Variants in SEC14L3 observed in about 807,000 individuals in gnomAD.
SEC14L3 encodes SEC14-like protein 3.
In SEC14L3, 56 loss-of-function variants were observed where a neutral mutation model predicts 57.4. The observed-to-expected ratio is 0.97, with a 90% CI of 0.79 to 1.22. SEC14L3 has a LOEUF of 1.22. SEC14L3 is among the 50% of genes most tolerant of loss of function. The pLI is 0.00. For missense variants in SEC14L3, 485 were observed against 511.7 expected, an observed-to-expected ratio of 0.95 and a Z score of 0.50; for synonymous variants, 173 against 194.4, an observed-to-expected ratio of 0.89 and a Z score of 0.92.
At chr22:30,453,517 A>T (rs1310143582) in intron 12 of SEC14L3, among the ~76,000 whole-genome samples, 1 of 152,116 alleles carries the variant, frequency 6.6e-6, no homozygotes, top group African/African-American at 2.4e-5. Flanking sequence ...AGTCCAAGTG[A>T]TTGTCCTGCC....
chr22:30,454,798 G>T (rs1287314612), downstream of SEC14L3, among the ~76,000 whole-genome samples: 16 of 51,570 alleles, frequency 3.1e-4, no homozygotes, highest in African/African-American at 9.6e-4. Flanking sequence ...ATATATTATT[G>T]TATATTATAT....
intron 7 of SEC14L3, 116 bp from the exon 8 acceptor site, chr22:30,465,019 T>C (rs989149886): frequency 6.7e-7 from 1 of 1,488,294 alleles, no homozygotes; most frequent in Admixed American, 2.0e-5. Context: ...TCAATTCCAG[T>C]GTCTGTCCTG....
At chr22:30,469,208 G>A (rs992691427) in intron 4 of SEC14L3, among the ~76,000 whole-genome samples, 1 of 152,098 alleles carries the variant, frequency 6.6e-6, no homozygotes, top group African/African-American at 2.4e-5. Flanking sequence ...AGACTTGGGA[G>A]GCTGAGGTGG....
downstream of SEC14L3, among the ~76,000 whole-genome samples, chr22:30,458,248 C>G (rs536032579): frequency 6.6e-6 from 1 of 152,348 alleles, no homozygotes; most frequent in South Asian, 2.1e-4. Flanking sequence ...CTCTGGAGTC[C>G]TGGCCTTTGC....
chr22:30,450,578 C>T (rs769140234), intron 12 of SEC14L3, among the ~76,000 whole-genome samples: 1 of 152,182 alleles, frequency 6.6e-6, no homozygotes, highest in Non-Finnish European at 1.5e-5. Context: ...GCTGGGATTA[C>T]AGGCATGAGC....
At position 30,460,060 on chromosome 22, in the gene SEC14L3, C is replaced by A; in HGVS notation, c.1164G>T (p.Glu388Asp). The A allele has an allele frequency of 6.2e-7, 1 of 1,614,168 alleles. No individual in the cohort carries two copies. Among genetic ancestry groups the A allele is most frequent in the South Asian group, 1.1e-5 (1 of 91,068 alleles). Residue 388 changes from glutamate to aspartate, a missense_variant, in exon 12 of 12, where the codon GAG becomes GAT. Glu to Asp is a conservative substitution (Grantham distance 45). Transcript: ENST00000215812. ...SFTVEVLLPD[E>D]GMQKYDKELT... Reference sequence around the variant, plus strand: ...GCTCCTTATCATATTTCTGCATGCCCTCGTCAGGGAGCAGGACCTCCACTG... The same window carrying A: ...GCTCCTTATCATATTTCTGCATGCCATCGTCAGGGAGCAGGACCTCCACTG...
intron 1 of SEC14L3, 54 bp from the exon 2 acceptor site, chr22:30,470,636 C>G: frequency 1.2e-6 from 2 of 1,612,368 alleles, no homozygotes; most frequent in Non-Finnish European, 1.7e-6. Context: ...CCTTGGCCTC[C>G]AGACTCAAAG....
In SEC14L3 at chr22:30,466,963, C is replaced by G. The variant is rs747501506; in HGVS notation, c.519+19G>C. ...GGTCATCAAAGCAAGCGGGGGGTGG[C>G]CCTAGGACTTCTCCTTACCTCCTGG... On this transcript the variant is annotated intron_variant, in intron 6 of 11. Transcript: ENST00000215812. 1 of 1,608,642 alleles carries G rather than the reference C, an allele frequency of 6.2e-7. No individual in the cohort carries two copies. Among genetic ancestry groups the G allele is most frequent in the Non-Finnish European group, 8.5e-7 (1 of 1,177,606 alleles).
chr22:30,462,086 C>T lies in SEC14L3; in HGVS notation c.771G>A (p.Lys257=), dbSNP rs1312710871. ...TGTCCCAGGGAAGGGCTCTTTGTAC[C>T]TTGGTTAAACATTTGGGGTTCCCAT... ...DPDGNPKCLT[K]INYGGEIPKS... is the part of the protein sequence containing the mutation. The change falls in exon 9 of 12, where the codon AAG becomes AAA. Residue 257 remains lysine, a splice_region_variant and synonymous_variant. Transcript: ENST00000215812. 6.2e-7 allele frequency: 1 copy of T among 1,613,974 alleles called. No individual in the cohort carries two copies. Among genetic ancestry groups the T allele is most frequent in the Non-Finnish European group, 8.5e-7 (1 of 1,179,936 alleles).
chr22:30,454,351 C>T (rs575277135), downstream of SEC14L3, among the ~76,000 whole-genome samples: 4 of 151,758 alleles, frequency 2.6e-5, no homozygotes, highest in African/African-American at 9.7e-5. Context: ...TGGTGACTTG[C>T]GCAACAGAGA....
rs1935573538 is a variant in SEC14L3 at position 30,470,543 on chromosome 22, T to C, written c.94A>G (p.Asn32Asp). ...NVQDVLPALP[N>D]PDDYFLLRWL... ...CGTAGAAGGAAATAATCATCAGGGT[T>C]GGGCAGGGCAGGAAGCACATCCTGG... is the stretch of plus-strand genomic sequence containing the variant. Residue 32 changes from asparagine (N) to aspartate (D), a missense_variant, in exon 2 of 12, where the codon AAC (asparagine) becomes GAC (aspartate). Asn to Asp is a conservative substitution (Grantham distance 23). Transcript: ENST00000215812. 1 of 1,614,038 alleles carries C rather than the reference T, an allele frequency of 6.2e-7. No individual in the cohort carries two copies. The highest frequency in any genetic ancestry group is 1.1e-5 in the South Asian group (1 of 91,084).
At chr22:30,462,266 G>A (rs1935293300) in intron 8 of SEC14L3, 74 bp from the exon 9 acceptor site, 1 of 1,512,496 alleles carries the variant, frequency 6.6e-7, no homozygotes, top group Non-Finnish European at 8.9e-7. Flanking sequence ...CCACCAGGAT[G>A]ACCTGAACTG....
rs769312462 is a variant in SEC14L3 at position 30,461,490 on chromosome 22, G to A, written c.912-11C>T. The A allele has an allele frequency of 6.2e-7, 1 of 1,611,594 alleles. No individual in the cohort carries two copies. The highest frequency in any genetic ancestry group is 8.5e-7 in the Non-Finnish European group (1 of 1,177,916). ...GATGAGAACTGCCACCTGTCAGGGG[G>A]AGGGGGAGGAGACAGGTTGCTGCTC... On this transcript the variant is annotated splice_polypyrimidine_tract_variant and intron_variant, in intron 10 of 11. Coordinates refer to ENST00000215812, the MANE Select transcript of SEC14L3 (RefSeq NM_174975.5).
At chr22:30,468,937 C>G in intron 4 of SEC14L3, 1 of 1,462,454 alleles carries the variant, frequency 6.8e-7, no homozygotes, top group South Asian at 1.4e-5. Flanking sequence ...AGGTCTGCCC[C>G]TGATGTCTCC....
At position 30,451,558 on chromosome 22, in the gene SEC14L3, T is replaced by G. The variant is rs961187454; in HGVS notation, c.905-2314A>C. Among the ~76,000 whole-genome samples, 3 of 152,282 alleles carry G rather than the reference T, an allele frequency of 2.0e-5. No individual in the cohort carries two copies. In the East Asian group the frequency reaches 5.8e-4, roughly 29 times the overall value. On this transcript the variant is annotated intron_variant, in intron 12 of 12. Coordinates refer to the SEC14L3 transcript ENST00000403066. Reference sequence around the variant, plus strand: ...GCAGATAAGAAAAGAAAGAACTTGCTGAAAAGCTGAAACTAAGACTGTGCC... The same window carrying G: ...GCAGATAAGAAAAGAAAGAACTTGCGGAAAAGCTGAAACTAAGACTGTGCC...
At chr22:30,467,416 T>C (rs1008447272) in intron 5 of SEC14L3, among the ~76,000 whole-genome samples, 5 of 152,330 alleles carry the variant, frequency 3.3e-5, no homozygotes, top group Middle Eastern at 3.4e-3. Flanking sequence ...TATAAACTGA[T>C]AAATATAAAC....
In SEC14L3 at chr22:30,461,024, C is replaced by T. The variant is rs531260419; in HGVS notation, c.1081+286G>A. 7.2e-5 allele frequency among the ~76,000 whole-genome samples: 11 copies of T among 152,206 alleles called. No individual in the cohort carries two copies. In the South Asian group the frequency reaches 1.7e-3, roughly 23 times the overall value. On this transcript the variant is annotated intron_variant, in intron 11 of 11. Transcript: ENST00000215812. ...CAAGTTGATTTATTTTTCAGAGCCT[C>T]GGTTTCCTCATGTGGAAAACTACAC...
chr22:30,471,049 C>A, intron 1 of SEC14L3: 1 of 320,650 alleles, frequency 3.1e-6, no homozygotes, highest in Non-Finnish European at 6.0e-6. Context: ...CTTTAGGAGG[C>A]TGAGGTTGGT....
chr22:30,466,434 ATCT>A (rs1935419072), intron 6 of SEC14L3, 40 bp from the exon 7 acceptor site: 3 of 1,613,778 alleles, frequency 1.9e-6, no homozygotes, highest in Admixed American at 1.7e-5. Flanking sequence ...AGCACATCAC[ATCT>A]TCTCCTACCT....
Sources: gnomAD v4.1 joint callset for allele counts (sites outside exome capture counted in the v4.1 genomes callset) on GRCh38, gnomAD v4.1.1 for gene constraint, MANE v1.5 for transcripts, NCBI Gene and HGNC (gene_info 2026-07-23, HGNC 2026-07-21) for gene names.